ANO6: variants seen among roughly 807,000 people sequenced by gnomAD.
ANO6 encodes the protein anoctamin-6.
A neutral mutation model predicts 117.5 loss-of-function variants in ANO6; 106 were observed. The ratio of observed to expected loss-of-function variants is 0.90; its 90% confidence interval spans 0.77 to 1.06. The LOEUF (loss-of-function observed/expected upper bound fraction) is 1.06. Ranked by LOEUF, ANO6 falls within the 50% of genes least tolerant of loss-of-function variation. The pLI is 0.00. For synonymous variants in ANO6, 367 were observed against 385.1 expected (o/e 0.95, Z 0.55); for missense variants, 955 against 1,121.1 (o/e 0.85, Z 2.12).
intron 12 of ANO6, among the ~76,000 whole-genome samples, chr12:45,394,980 GA>G (rs1942568785): frequency 6.6e-6 from 1 of 152,044 alleles, no homozygotes; most frequent in Non-Finnish European, 1.5e-5. Flanking sequence ...CAGAAGGCAA[GA>G]AATAACTAAG....
chr12:45,422,576 C>CTTT (rs35726842), intron 18 of ANO6, among the ~76,000 whole-genome samples: 28 of 140,488 alleles, frequency 2.0e-4, no homozygotes, highest in African/African-American at 6.0e-4. Context: ...TCAAATATGA[C>CTTT]TTTTTTTTTT....
intron 2 of ANO6, among the ~76,000 whole-genome samples, chr12:45,313,696 T>G (rs1345057745): frequency 1.3e-5 from 2 of 152,038 alleles, no homozygotes; most frequent in Admixed American, 6.6e-5. Flanking sequence ...TACAGACACT[T>G]AAGTACCTAC....
intron 1 of ANO6, among the ~76,000 whole-genome samples, chr12:45,260,527 G>C (rs565548545): frequency 6.6e-6 from 1 of 152,162 alleles, no homozygotes; most frequent in Non-Finnish European, 1.5e-5. Flanking sequence ...TGTTTCAGGG[G>C]CACTGCACAC....
intron 18 of ANO6, 131 bp from the exon 19 acceptor site, chr12:45,422,826 A>G (rs1004254586): frequency 2.7e-6 from 2 of 738,116 alleles, no homozygotes; most frequent in Non-Finnish European, 4.9e-6. Context: ...CACATGCCTC[A>G]GCCTCCCAAA....
At position 45,430,466 on chromosome 12, in the gene ANO6, T is replaced by A. The variant is rs1019748349; in HGVS notation, c.*1155T>A. ...GATCAACACACCAAAGTCTCTGCCA[T>A]AAAGAATGTGGCTTCCTTGCATCCT... On this transcript the variant is annotated 3_prime_UTR_variant, in exon 20 of 20. Coordinates refer to ENST00000320560, the MANE Select transcript of ANO6 (RefSeq NM_001025356.3). 6 of 985,346 alleles carry A rather than the reference T, an allele frequency of 6.1e-6. No individual in the cohort carries two copies. Among genetic ancestry groups the A allele is most frequent in the Non-Finnish European group, 6.0e-6 (5 of 829,964 alleles). The allele number at this position is 985,346 out of a possible 1,614,324, so 61.0% of individuals were successfully genotyped here.
intron 12 of ANO6, among the ~76,000 whole-genome samples, chr12:45,394,484 A>C (rs1942553160): frequency 2.6e-5 from 4 of 152,312 alleles, no homozygotes; most frequent in Non-Finnish European, 5.9e-5. Flanking sequence ...CAGATCTGCA[A>C]CAAGCAGACC....
intron 1 of ANO6, among the ~76,000 whole-genome samples, chr12:45,266,765 C>A (rs944741761): frequency 6.6e-6 from 1 of 151,730 alleles, no homozygotes; most frequent in Non-Finnish European, 1.5e-5. Flanking sequence ...CCACTGCCCT[C>A]CAGCCTGGGT....
intron 9 of ANO6, among the ~76,000 whole-genome samples, chr12:45,370,442 T>A (rs983568535): frequency 2.0e-5 from 3 of 152,224 alleles, no homozygotes; most frequent in Non-Finnish European, 4.4e-5. Context: ...GACAGATGTG[T>A]TTCCATTGAC....
intron 2 of ANO6, among the ~76,000 whole-genome samples, chr12:45,303,947 T>C (rs2137312107): frequency 6.6e-6 from 1 of 152,352 alleles, no homozygotes; most frequent in South Asian, 2.1e-4. Flanking sequence ...TTAATCACAA[T>C]ATCCCTGTAT....
intron 8 of ANO6, among the ~76,000 whole-genome samples, chr12:45,361,812 A>G (rs1469847760): frequency 6.6e-6 from 1 of 152,118 alleles, no homozygotes; most frequent in Admixed American, 6.5e-5. Flanking sequence ...TAACTTTTGT[A>G]CTTTGAATCA....
At chr12:45,397,181 A>G (rs1232510621) in intron 12 of ANO6, among the ~76,000 whole-genome samples, 1 of 152,028 alleles carries the variant, frequency 6.6e-6, no homozygotes, top group Non-Finnish European at 1.5e-5. Flanking sequence ...GGCAAAGCAT[A>G]TGAACAGACA....
intron 1 of ANO6, among the ~76,000 whole-genome samples, chr12:45,291,665 C>T (rs59569841): frequency 0.016 from 2,426 of 152,072 alleles, 55 homozygotes; most frequent in African/African-American, 0.054. Context: ...GATGTTTTTC[C>T]AAAAGAATAT....
chr12:45,435,973 CTAACCCCTT>C (rs1354180674), downstream of ANO6, among the ~76,000 whole-genome samples: 6 of 152,318 alleles, frequency 3.9e-5, no homozygotes, highest in East Asian at 1.2e-3. Flanking sequence ...GCCCAGGAAA[CTAACCCCTT>C]TATCTACAAT....
chr12:45,436,694 A>ATG (rs1177464920), downstream of ANO6, among the ~76,000 whole-genome samples: 1 of 152,204 alleles, frequency 6.6e-6, no homozygotes, highest in Non-Finnish European at 1.5e-5. Context: ...CCAGCTGGGC[A>ATG]TGGTGGCTCA....
At chr12:45,369,351 T>C (rs1241868580) in intron 9 of ANO6, among the ~76,000 whole-genome samples, 1 of 152,154 alleles carries the variant, frequency 6.6e-6, no homozygotes, top group Non-Finnish European at 1.5e-5. Flanking sequence ...CAGAGGCAGA[T>C]TGTCATCTAC....
chr12:45,317,782 T>C (rs1387071373), intron 2 of ANO6, among the ~76,000 whole-genome samples: 1 of 152,200 alleles, frequency 6.6e-6, no homozygotes, highest in Non-Finnish European at 1.5e-5. Flanking sequence ...CTCCAGCACC[T>C]GTTGCTTCCT....
At chr12:45,398,614 C>T (rs1235365690) in intron 12 of ANO6, among the ~76,000 whole-genome samples, 1 of 152,132 alleles carries the variant, frequency 6.6e-6, no homozygotes, top group Non-Finnish European at 1.5e-5. Context: ...TTTATATACA[C>T]ACATATATAC....
In ANO6 at chr12:45,334,249, A is replaced by C. The variant is rs1940760565; in HGVS notation, c.279+2826A>C. Among the ~76,000 whole-genome samples the C allele has an allele frequency of 2.6e-5, 4 of 152,240 alleles. No homozygotes were observed. In the South Asian group the frequency reaches 8.3e-4, roughly 32 times the overall value. ...ACTGGGCTTGGCACAGAATGTTTGAATGTTTTAAATCACAAATAACAGGAA... is the reference window on the plus strand; with the variant it reads ...ACTGGGCTTGGCACAGAATGTTTGACTGTTTTAAATCACAAATAACAGGAA... On this transcript the variant is annotated intron_variant, in intron 3 of 19. Coordinates refer to ENST00000320560, the MANE Select transcript of ANO6 (RefSeq NM_001025356.3).
chr12:45,402,965 A>G, intron 13 of ANO6, 107 bp from the exon 14 acceptor site: 1 of 1,071,354 alleles, frequency 9.3e-7, no homozygotes, highest in African/African-American at 1.6e-5. Flanking sequence ...TGTGAATTGT[A>G]TTTTTTTAAC....
Sources: allele counts gnomAD v4.1 joint callset (sites outside exome capture counted in the v4.1 genomes callset), GRCh38; gene constraint gnomAD v4.1.1; transcripts MANE v1.5; gene names NCBI Gene and HGNC (gene_info 2026-07-23, HGNC 2026-07-21).